CCDC39: variants seen among roughly 807,000 people sequenced by gnomAD.
CCDC39 encodes coiled-coil domain-containing protein 39.
Under a neutral mutation model 121.0 loss-of-function variants are expected in CCDC39, and 113 were observed. The observed-to-expected ratio is 0.93, with a 90% CI of 0.80 to 1.09. CCDC39 has a LOEUF of 1.09. Among genes scored for constraint, CCDC39 ranks in the 50% least tolerant of loss-of-function variants. The pLI, the probability that CCDC39 is intolerant of heterozygous loss-of-function variation, is 0.00. For synonymous variants in CCDC39, 349 were observed against 352.2 expected, an observed-to-expected ratio of 0.99 and a Z score of 0.10; for missense variants, 1,063 against 1,074.7, an observed-to-expected ratio of 0.99 and a Z score of 0.15.
intron 1 of CCDC39, among the ~76,000 whole-genome samples, chr3:180,666,422 T>C (rs1290424176): frequency 6.6e-6 from 1 of 152,198 alleles, no homozygotes; most frequent in Non-Finnish European, 1.5e-5. Context: ...ATATCCCATA[T>C]ATCCTTATTT....
chr3:180,658,271 A>G (rs111555132), intron 6 of CCDC39, among the ~76,000 whole-genome samples: 5,391 of 147,952 alleles, frequency 0.036, 354 homozygotes, highest in African/African-American at 0.13. Flanking sequence ...CATTAATTAA[A>G]AGAACCTCCT....
intron 13 of CCDC39, among the ~76,000 whole-genome samples, chr3:180,632,779 A>G (rs910948811): frequency 1.3e-5 from 2 of 152,188 alleles, no homozygotes; most frequent in South Asian, 4.1e-4. Context: ...GCCATTTTCC[A>G]CCAAAGAAGT....
chr3:180,641,010 A>AC (rs1717941483), intron 13 of CCDC39, among the ~76,000 whole-genome samples: 1 of 152,100 alleles, frequency 6.6e-6, no homozygotes, highest in South Asian at 2.1e-4. Flanking sequence ...ATACACATGA[A>AC]CATAGATGCA....
At chr3:180,623,919 A>G (rs1278665163) in intron 14 of CCDC39, among the ~76,000 whole-genome samples, 1 of 151,938 alleles carries the variant, frequency 6.6e-6, no homozygotes, top group African/African-American at 2.4e-5. Flanking sequence ...GTTGGGTAGA[A>G]TGTTCTGTAG....
chr3:180,642,071 C>A lies in CCDC39; in HGVS notation c.1796G>T (p.Arg599Leu), dbSNP rs541958184. The A allele has an allele frequency of 5.0e-6, 8 of 1,611,944 alleles. No individual in the cohort carries two copies. The highest frequency in any genetic ancestry group is 6.8e-6 in the Non-Finnish European group (8 of 1,178,662). ...KQQLYTAMEE[R>L]TEEIKVHKTM... Reference sequence around the variant, plus strand: ...TTTATGAACCTTGATTTCTTCAGTTCGCTCTTCCATTGCTGTGTATAATTG... The same window carrying A: ...TTTATGAACCTTGATTTCTTCAGTTAGCTCTTCCATTGCTGTGTATAATTG... The change falls in exon 13 of 20, where the codon CGA (arginine) becomes CTA (leucine). Residue 599 changes from arginine to leucine, a missense_variant. Transcript: ENST00000476379.
chr3:180,668,665 A>G (rs1249335429), intron 1 of CCDC39, among the ~76,000 whole-genome samples: 2 of 152,140 alleles, frequency 1.3e-5, no homozygotes, highest in Non-Finnish European at 2.9e-5. Context: ...TTTGTTGTTT[A>G]TTTATTTTCT....
At chr3:180,673,349 T>C (rs972943245) in intron 1 of CCDC39, among the ~76,000 whole-genome samples, 7 of 152,214 alleles carry the variant, frequency 4.6e-5, no homozygotes, top group Admixed American at 4.6e-4. Flanking sequence ...CATTGTTCTC[T>C]TATTTTTAAA....
At chr3:180,633,082 CATGA>C (rs1717738146) in intron 13 of CCDC39, among the ~76,000 whole-genome samples, 2 of 152,226 alleles carry the variant, frequency 1.3e-5, no homozygotes, top group Non-Finnish European at 2.9e-5. Flanking sequence ...TTTTTGTAAC[CATGA>C]AATCCTAACC....
intron 13 of CCDC39, 137 bp downstream of exon 13, chr3:180,641,856 C>A: frequency 3.7e-6 from 2 of 533,858 alleles, no homozygotes; most frequent in South Asian, 3.5e-5. Flanking sequence ...TATAACATGC[C>A]CTATGTCTTT....
intron 14 of CCDC39, among the ~76,000 whole-genome samples, chr3:180,621,705 A>T (rs902418713): frequency 6.6e-6 from 1 of 151,942 alleles, no homozygotes; most frequent in Non-Finnish European, 1.5e-5. Flanking sequence ...TCCCCAGTGT[A>T]TGTTCTTGTC....
intron 11 of CCDC39, among the ~76,000 whole-genome samples, 179 bp from the exon 12 acceptor site, chr3:180,644,436 T>C (rs1560087551): frequency 6.6e-6 from 1 of 152,186 alleles, no homozygotes; most frequent in Non-Finnish European, 1.5e-5. Context: ...GATAGTCACA[T>C]AGAAACATTT....
At chr3:180,670,310 G>GA (rs1712003021) in intron 1 of CCDC39, among the ~76,000 whole-genome samples, 3 of 149,846 alleles carry the variant, frequency 2.0e-5, no homozygotes, top group Middle Eastern at 6.8e-3. Context: ...GTGTATGGAA[G>GA]GGGTGTGTGT....
chr3:180,621,612 T>C (rs990197661), intron 14 of CCDC39, among the ~76,000 whole-genome samples: 1 of 152,066 alleles, frequency 6.6e-6, no homozygotes, highest in East Asian at 1.9e-4. Flanking sequence ...GGGCTACATG[T>C]GCAGGATTGT....
rs796557887 is a variant in CCDC39, at chr3:180,655,283, G to T, written c.739-330C>A. Among the ~76,000 whole-genome samples the T allele has an allele frequency of 3.2e-4, 49 of 151,874 alleles. 1 individual carries two copies. The highest frequency in any genetic ancestry group is 1.2e-3 in the African/African-American group (49 of 41,444). ...TGAATATTTTTCACATGGAAAGCGG[G>T]GTTTCAATGAAGTTTTCCAAATATT... On this transcript the variant is annotated intron_variant, in intron 6 of 19. Coordinates refer to ENST00000476379, the MANE Select transcript of CCDC39 (RefSeq NM_181426.2).
rs562750686 is a variant in CCDC39, at chr3:180,642,320, C to G, written c.1666-119G>C. On this transcript the variant is annotated intron_variant, in intron 12 of 19. Coordinates refer to ENST00000476379, the MANE Select transcript of CCDC39 (RefSeq NM_181426.2). ...TACCTTTTTCCAATTTAACCATTGA[C>G]TAAGATATTAGCTAGGCCTAAAATT... 8 of 525,814 alleles carry G rather than the reference C, an allele frequency of 1.5e-5. No individual in the cohort carries two copies. The South Asian group carries it at 2.5e-4, about 17-fold the overall frequency. 32.6% of individuals were successfully genotyped at this position (525,814 alleles called of 1,614,324 possible).
chr3:180,677,758 C>T (rs1032508363), intron 1 of CCDC39, among the ~76,000 whole-genome samples: 3 of 151,942 alleles, frequency 2.0e-5, no homozygotes, highest in Non-Finnish European at 2.9e-5. Context: ...TATCTGTATA[C>T]CAAGATGTCT....
At chr3:180,640,376 T>C (rs1717928768) in intron 13 of CCDC39, among the ~76,000 whole-genome samples, 1 of 151,944 alleles carries the variant, frequency 6.6e-6, no homozygotes, top group African/African-American at 2.4e-5. Context: ...ATTAATGAGC[T>C]AAGCATCTGA....
At chr3:180,644,084 T>C (rs932967013) in intron 12 of CCDC39, 36 bp downstream of exon 12, 2 of 1,457,928 alleles carry the variant, frequency 1.4e-6, no homozygotes, top group East Asian at 5.1e-5. Flanking sequence ...GGAAACATGG[T>C]TTTCAATACT....
chr3:180,651,566 C>A lies in CCDC39; in HGVS notation c.1035-33G>T, dbSNP rs186674269. The A allele has an allele frequency of 3.7e-4, 553 of 1,488,776 alleles. No individual in the cohort carries two copies. In the Middle Eastern group the frequency reaches 3.9e-3, roughly 10 times the overall value. The allele number at this position is 1,488,776 out of a possible 1,614,324, so 92.2% of individuals were successfully genotyped here. On this transcript the variant is annotated intron_variant, in intron 8 of 19. Coordinates refer to ENST00000476379, the MANE Select transcript of CCDC39 (RefSeq NM_181426.2). ...GGGTTTATCACAAAAAGATAGAAAA[C>A]GTGCCTAAAAAGCATTTCATACAAA... is the stretch of plus-strand genomic sequence containing the variant.
Sources: gnomAD v4.1 joint callset for allele counts (sites outside exome capture counted in the v4.1 genomes callset) on GRCh38, gnomAD v4.1.1 for gene constraint, MANE v1.5 for transcripts, NCBI Gene and HGNC (gene_info 2026-07-23, HGNC 2026-07-21) for gene names.